The following DCP2 variants were observed in gnomAD, a reference collection of about 807,000 sequenced individuals.
DCP2 encodes decapping mRNA 2, also known as m7GpppN-mRNA hydrolase.
Under a neutral mutation model 56.1 loss-of-function variants are expected in DCP2, and 30 were observed. The ratio of observed to expected loss-of-function variants is 0.53; its 90% CI spans 0.40 to 0.73. DCP2 has a LOEUF of 0.73. DCP2 is among the 30% of genes least tolerant of loss of function. The pLI, the probability that DCP2 is intolerant of heterozygous loss-of-function variation, is 0.00. For synonymous variants in DCP2, 197 were observed against 163.3 expected (o/e 1.21, Z -1.57); for missense variants, 533 against 502.7 (o/e 1.06, Z -0.58).
At chr5:113,001,311 C>T (rs745766156) in intron 5 of DCP2, 46 bp from the exon 6 acceptor site, 1 of 1,595,850 alleles carries the variant, frequency 6.3e-7, no homozygotes, top group Non-Finnish European at 8.5e-7. Context: ...TTTATAAGCT[C>T]CTTGATAAAA....
intron 1 of DCP2, 136 bp from the exon 2 acceptor site, chr5:112,985,699 T>C (rs1486413352): frequency 4.6e-6 from 4 of 867,312 alleles, no homozygotes; most frequent in Non-Finnish European, 6.8e-6. Context: ...CTCTCAAATA[T>C]TAATTGCTTC....
intron 4 of DCP2, among the ~76,000 whole-genome samples, chr5:112,999,031 T>A (rs187283214): frequency 6.6e-6 from 1 of 152,236 alleles, no homozygotes; most frequent in Non-Finnish European, 1.5e-5. Flanking sequence ...TGCATTTAAT[T>A]GACACGTCTC....
At chr5:112,980,521 G>A (rs1747952876) in intron 1 of DCP2, among the ~76,000 whole-genome samples, 1 of 152,150 alleles carries the variant, frequency 6.6e-6, no homozygotes, top group South Asian at 2.1e-4. Flanking sequence ...AATTGTAATG[G>A]AAAGCATTTT....
intron 1 of DCP2, among the ~76,000 whole-genome samples, chr5:112,981,855 G>A (rs1306122182): frequency 6.6e-6 from 1 of 152,036 alleles, no homozygotes; most frequent in Non-Finnish European, 1.5e-5. Context: ...ACTGCAACCC[G>A]TGTCTCCTGG....
Position 113,015,857 on chromosome 5 carries a change from G to C in DCP2, c.*2373G>C, listed in dbSNP as rs945539285. 2.0e-5 allele frequency: 3 copies of C among 152,616 alleles called. No individual in the cohort carries two copies. The highest frequency in any genetic ancestry group is 7.2e-5 in the African/African-American group (3 of 41,430). The allele number at this position is 152,616 out of a possible 1,614,324, so 9.5% of individuals were successfully genotyped here. On this transcript the variant is annotated 3_prime_UTR_variant, in exon 11 of 11. Transcript: ENST00000389063. ...TTAGCGAACTGGATTTCTCCTTTGA[G>C]AAATTTTAGTATGGTTTGAGGAAAT...
intron 8 of DCP2, among the ~76,000 whole-genome samples, chr5:113,004,736 A>G (rs1749331071): frequency 6.6e-6 from 1 of 152,108 alleles, no homozygotes; most frequent in African/African-American, 2.4e-5. Flanking sequence ...AGCAAAATAC[A>G]TGAGAGTTCT....
chr5:113,004,820 T>A (rs1749338512), intron 8 of DCP2, among the ~76,000 whole-genome samples: 1 of 151,854 alleles, frequency 6.6e-6, no homozygotes, highest in African/African-American at 2.4e-5. Flanking sequence ...TTTTTTTTTT[T>A]TTTATTTTAA....
intron 4 of DCP2, among the ~76,000 whole-genome samples, chr5:112,998,128 TA>T (rs1321558263): frequency 6.6e-6 from 1 of 152,240 alleles, no homozygotes; most frequent in Admixed American, 6.5e-5. Context: ...TTGATGAGAA[TA>T]CTTGCCTAAT....
intron 4 of DCP2, among the ~76,000 whole-genome samples, chr5:112,994,507 C>G (rs895552968): frequency 6.6e-6 from 1 of 152,120 alleles, no homozygotes; most frequent in Admixed American, 6.6e-5. Context: ...TAAAATCTTA[C>G]CAGTCAGCTC....
At chr5:112,993,310 G>A (rs1748681847) in intron 4 of DCP2, among the ~76,000 whole-genome samples, 1 of 151,944 alleles carries the variant, frequency 6.6e-6, no homozygotes, top group Admixed American at 6.6e-5. Context: ...TCTCTCTCTT[G>A]AACTTGATTG....
chr5:112,982,429 T>C (rs1172600274), intron 1 of DCP2, among the ~76,000 whole-genome samples: 1 of 152,238 alleles, frequency 6.6e-6, no homozygotes, highest in Non-Finnish European at 1.5e-5. Context: ...TCATGTTTCA[T>C]CCTTTCTTGG....
At chr5:113,003,867 AT>A in intron 7 of DCP2, 74 bp from the exon 8 acceptor site, 1 of 1,497,630 alleles carries the variant, frequency 6.7e-7, no homozygotes, top group Non-Finnish European at 9.2e-7. Context: ...TAGTCTATAA[AT>A]TTAACTATTA....
rs1018681066 is a variant in DCP2, at chr5:113,000,979, C to G, written c.433-105C>G. ...CTGTCATTTCTAGAAATAGTAAATACAAGTCATGTCCCCTTTTTCTGAGTT... is the reference window on the plus strand; with the variant it reads ...CTGTCATTTCTAGAAATAGTAAATAGAAGTCATGTCCCCTTTTTCTGAGTT... On this transcript the variant is annotated intron_variant, in intron 4 of 10. Transcript: ENST00000389063. 2.4e-5 allele frequency: 27 copies of G among 1,104,252 alleles called. 1 individual carries two copies. In the South Asian group the frequency reaches 4.3e-4, roughly 17 times the overall value. 68.4% of individuals were successfully genotyped at this position (1,104,252 alleles called of 1,614,324 possible). A position where few individuals can be genotyped will look rare whatever the true frequency, so the allele number is the denominator to read the frequency against.
Position 113,020,374 on chromosome 5 carries a change from A to C in DCP2, c.*6890A>C, listed in dbSNP as rs2150198829. Reference sequence around the variant, plus strand: ...TTTTAATGCTTGGAGAAAGACTATAAGTGAATCTACTTCAAGGGATTCTGT... The same window carrying C: ...TTTTAATGCTTGGAGAAAGACTATACGTGAATCTACTTCAAGGGATTCTGT... On this transcript the variant is annotated 3_prime_UTR_variant, in exon 11 of 11. Transcript: ENST00000389063. 1 of 150,392 alleles carries C rather than the reference A, an allele frequency of 6.6e-6. No individual in the cohort carries two copies. Among genetic ancestry groups the C allele is most frequent in the African/African-American group, 2.4e-5 (1 of 41,208 alleles). The allele number at this position is 150,392 out of a possible 1,614,324, so 9.3% of individuals were successfully genotyped here. A position where few individuals can be genotyped will look rare whatever the true frequency, so the allele number is the denominator to read the frequency against.
intron 9 of DCP2, 192 bp downstream of exon 9, chr5:113,008,234 A>T (rs1749530799): frequency 2.1e-6 from 1 of 472,480 alleles, no homozygotes; most frequent in Admixed American, 3.6e-5. Context: ...CAAATGTATA[A>T]TGTTGATGCA....
rs566355451 is a variant in DCP2, at chr5:113,019,256, C to T, written c.*5772C>T. 17 of 152,294 alleles carry T rather than the reference C, an allele frequency of 1.1e-4. No individual in the cohort carries two copies. Among genetic ancestry groups the T allele is most frequent in the African/African-American group, 4.1e-4 (17 of 41,568 alleles). The allele number at this position is 152,294 out of a possible 1,614,324, so 9.4% of individuals were successfully genotyped here. On this transcript the variant is annotated 3_prime_UTR_variant, in exon 11 of 11. Transcript: ENST00000389063. ...ATGGCAGCAAATGAAAGTAAAGGTT[C>T]TCAACTGTGAATGAAATTTAGAAAG...
chr5:112,987,620 C>CTTTTTTTTTTTTTT lies in DCP2; in HGVS notation c.205+1646_205+1659dup, dbSNP rs562254738. On this transcript the variant is annotated intron_variant, in intron 2 of 10. Transcript: ENST00000389063. ...GGTGCAAGCCACCACACCTAGGTGC[C>CTTTTTTTTTTTTTT]TTTTTTTTTTTTTTTTTTTTTTTTT... 5.7e-3 allele frequency among the ~76,000 whole-genome samples: 399 copies of CTTTTTTTTTTTTTT among 69,740 alleles called. 6 individuals carry two copies. The highest frequency in any genetic ancestry group is 0.016 in the Middle Eastern group (1 of 62). The allele number at this position is 69,740 out of a possible 152,430, so 45.8% of individuals were successfully genotyped here.
intron 1 of DCP2, among the ~76,000 whole-genome samples, 176 bp from the exon 2 acceptor site, chr5:112,985,659 T>A (rs1748244437): frequency 6.6e-6 from 1 of 152,162 alleles, no homozygotes; most frequent in African/African-American, 2.4e-5. Flanking sequence ...TGGTGTCTCC[T>A]CTCTAAGACT....
intron 1 of DCP2, among the ~76,000 whole-genome samples, chr5:112,979,806 A>T (rs548526907): frequency 6.6e-6 from 1 of 152,322 alleles, no homozygotes; most frequent in African/African-American, 2.4e-5. Flanking sequence ...CTGAGGGAAA[A>T]TATTTGTGTG....
Sources: allele counts gnomAD v4.1 joint callset (sites outside exome capture counted in the v4.1 genomes callset), GRCh38; gene constraint gnomAD v4.1.1; transcripts MANE v1.5; gene names NCBI Gene and HGNC (gene_info 2026-07-23, HGNC 2026-07-21).